The following LPAR3 variants were observed in gnomAD, a reference collection of about 807,000 sequenced individuals.
The protein encoded by LPAR3 is LPA receptor 3.
In LPAR3, 7 loss-of-function variants were observed where a neutral mutation model predicts 17.8. The ratio of observed to expected loss-of-function variants is 0.39; its 90% CI spans 0.22 to 0.74. The LOEUF (loss-of-function observed/expected upper bound fraction) is 0.74. Among genes scored for constraint, LPAR3 ranks in the 30% least tolerant of loss-of-function variants. LPAR3 has a pLI of 0.40. For synonymous variants in LPAR3, 179 were observed against 179.9 expected (o/e 0.99, Z 0.04); for missense variants, 391 against 453.4 (o/e 0.86, Z 1.25).
At chr1:84,833,645 CA>C (rs1484965476) in intron 2 of LPAR3, among the ~76,000 whole-genome samples, 1 of 152,212 alleles carries the variant, frequency 6.6e-6, no homozygotes, top group African/African-American at 2.4e-5. Flanking sequence ...ATTCAAATCC[CA>C]AATCTATCAC....
At chr1:84,868,270 C>T (rs1027850488) in intron 1 of LPAR3, among the ~76,000 whole-genome samples, 3 of 152,070 alleles carry the variant, frequency 2.0e-5, no homozygotes, top group African/African-American at 7.2e-5. Flanking sequence ...CCAGCACGCC[C>T]GGCTAATTTT....
chr1:84,891,233 A>G (rs1325945075), intron 1 of LPAR3, among the ~76,000 whole-genome samples: 1 of 152,202 alleles, frequency 6.6e-6, no homozygotes, highest in East Asian at 1.9e-4. Context: ...ATGTAATTAA[A>G]TCAAAACCTC....
At chr1:84,844,218 A>G (rs563850647) in intron 2 of LPAR3, among the ~76,000 whole-genome samples, 1 of 152,326 alleles carries the variant, frequency 6.6e-6, no homozygotes, top group African/African-American at 2.4e-5. Context: ...ACATGTGCTC[A>G]CTGCCCTGTC....
At chr1:84,889,645 C>T (rs1660518500) in intron 1 of LPAR3, among the ~76,000 whole-genome samples, 1 of 152,182 alleles carries the variant, frequency 6.6e-6, no homozygotes, top group African/African-American at 2.4e-5. Flanking sequence ...GCTATTTCCT[C>T]CTCGAAGTCC....
chr1:84,864,766 G>A (rs939319102), intron 2 of LPAR3, among the ~76,000 whole-genome samples: 2 of 152,070 alleles, frequency 1.3e-5, no homozygotes, highest in African/African-American at 2.4e-5. Flanking sequence ...CTGGGTGACA[G>A]AGTGAGTGAG....
chr1:84,839,395 T>A (rs933602023), intron 2 of LPAR3, among the ~76,000 whole-genome samples: 5 of 152,186 alleles, frequency 3.3e-5, no homozygotes, highest in African/African-American at 1.2e-4. Flanking sequence ...AAATGTGGAC[T>A]GGGTACAGTA....
intron 1 of LPAR3, among the ~76,000 whole-genome samples, chr1:84,890,859 T>TG (rs1280556486): frequency 6.6e-6 from 1 of 152,036 alleles, no homozygotes; most frequent in Non-Finnish European, 1.5e-5. Flanking sequence ...CTGAGAAACT[T>TG]GGGGGAGAAG....
Position 84,871,460 on chromosome 1 carries a change from T to C in LPAR3, c.-18-5322A>G, listed in dbSNP as rs188472522. Among the ~76,000 whole-genome samples, 232 of 152,336 alleles carry C rather than the reference T, an allele frequency of 1.5e-3. 1 individual carries two copies. Among genetic ancestry groups the C allele is most frequent in the East Asian group, 0.014 (75 of 5,188 alleles). The stretch of plus-strand genomic sequence containing the variant: ...ACAAGTTGCTGCCTGGCTTTTTAGC[T>C]GGCTTTCAATAACAATCTCTCCTTC... On this transcript the variant is annotated intron_variant, in intron 1 of 2. Transcript: ENST00000370611.
intron 2 of LPAR3, among the ~76,000 whole-genome samples, chr1:84,828,511 T>C (rs1264863176): frequency 6.6e-6 from 1 of 152,170 alleles, no homozygotes; most frequent in African/African-American, 2.4e-5. Flanking sequence ...CTTTGTAATA[T>C]ACAAAGCAAT....
intron 1 of LPAR3, among the ~76,000 whole-genome samples, chr1:84,885,157 G>T (rs1357018274): frequency 2.6e-5 from 4 of 152,180 alleles, no homozygotes; most frequent in African/African-American, 9.7e-5. Context: ...CCGGGCAGAG[G>T]CCAGGAATGC....
At chr1:84,862,998 A>C (rs914809573) in intron 2 of LPAR3, among the ~76,000 whole-genome samples, 2 of 152,082 alleles carry the variant, frequency 1.3e-5, no homozygotes, top group Non-Finnish European at 2.9e-5. Context: ...AAATAAAACA[A>C]AGGGAAAATT....
intron 2 of LPAR3, among the ~76,000 whole-genome samples, chr1:84,853,266 G>A (rs1659755323): frequency 6.6e-6 from 1 of 152,174 alleles, no homozygotes; most frequent in African/African-American, 2.4e-5. Flanking sequence ...GGATCCCCCA[G>A]CTCCTGGCTG....
intron 1 of LPAR3, among the ~76,000 whole-genome samples, chr1:84,871,495 A>G (rs7516120): frequency 0.044 from 6,738 of 152,238 alleles, 157 homozygotes; most frequent in Non-Finnish European, 0.051. Flanking sequence ...CCTCCTAGAA[A>G]GAAGTATGGT....
chr1:84,865,088 G>A (rs1007091681), intron 2 of LPAR3, among the ~76,000 whole-genome samples: 6 of 151,986 alleles, frequency 3.9e-5, no homozygotes, highest in Non-Finnish European at 8.8e-5. Flanking sequence ...AAGTGCAAAC[G>A]ATACCTGCTT....
intron 2 of LPAR3, among the ~76,000 whole-genome samples, chr1:84,847,692 T>TGATGCCAG (rs1379484748): frequency 6.6e-6 from 1 of 152,212 alleles, no homozygotes; most frequent in Non-Finnish European, 1.5e-5. Context: ...CTAGCTCTGC[T>TGATGCCAG]GATGCCAGGG....
At chr1:84,882,137 T>A (rs58524688) in intron 1 of LPAR3, among the ~76,000 whole-genome samples, 8,647 of 152,266 alleles carry the variant, frequency 0.057, 348 homozygotes, top group African/African-American at 0.11. Flanking sequence ...TCAGTAAAGT[T>A]GCAGGATACA....
chr1:84,845,819 C>G (rs1219929689), intron 2 of LPAR3, among the ~76,000 whole-genome samples: 1 of 152,070 alleles, frequency 6.6e-6, no homozygotes, highest in African/African-American at 2.4e-5. Context: ...AAAGTAGGGG[C>G]AAGTGAATTC....
chr1:84,847,597 G>A (rs1659616222), intron 2 of LPAR3, among the ~76,000 whole-genome samples: 1 of 152,192 alleles, frequency 6.6e-6, no homozygotes. Flanking sequence ...CCTGTCCTCA[G>A]CTGTGCCTGC....
intron 2 of LPAR3, among the ~76,000 whole-genome samples, chr1:84,842,277 T>C (rs1306049978): frequency 2.6e-5 from 4 of 152,202 alleles, no homozygotes; most frequent in Non-Finnish European, 4.4e-5. Flanking sequence ...GGGCAAGAAA[T>C]TGAAACACAC....
Sources: allele counts gnomAD v4.1 joint callset (sites outside exome capture counted in the v4.1 genomes callset), GRCh38; gene constraint gnomAD v4.1.1; transcripts MANE v1.5; gene names NCBI Gene and HGNC (gene_info 2026-07-23, HGNC 2026-07-21).